The following SYT1 variants were observed in gnomAD, a reference collection of about 807,000 sequenced individuals.
SYT1 encodes synaptotagmin-1.
SYT1 carries 8 observed loss-of-function variants against 44.8 expected under a neutral mutation model. The ratio of observed to expected loss-of-function variants is 0.18; its 90% CI spans 0.10 to 0.32. The LOEUF (loss-of-function observed/expected upper bound fraction) is 0.32, where lower values mean the gene tolerates loss of function less well. SYT1 is among the 10% of genes least tolerant of loss of function. SYT1 has a pLI of 1.00. For missense variants in SYT1, 286 were observed against 509.3 expected, an observed-to-expected ratio of 0.56 and a Z score of 4.22; for synonymous variants, 154 against 188.8, an observed-to-expected ratio of 0.82 and a Z score of 1.51.
In SYT1 at chr12:78,896,010, C is replaced by T. The variant is rs564757308; in HGVS notation, c.-217+30901C>T. ...CAAATGTAAACTGAGAATAATTATA[C>T]CTAATTTAAAGCTGGGTGGTGCATA... is the stretch of plus-strand genomic sequence containing the variant. On this transcript the variant is annotated intron_variant, in intron 1 of 10. Transcript: ENST00000261205. 7.3e-4 allele frequency among the ~76,000 whole-genome samples: 111 copies of T among 151,820 alleles called. 1 individual carries two copies. Among genetic ancestry groups the T allele is most frequent in the African/African-American group, 2.7e-3 (111 of 41,488 alleles).
intron 8 of SYT1, among the ~76,000 whole-genome samples, chr12:79,312,500 G>C (rs1880857990): frequency 6.6e-6 from 1 of 151,976 alleles, no homozygotes; most frequent in Non-Finnish European, 1.5e-5. Context: ...ATTTAAGCTA[G>C]AATTTTCCCT....
chr12:79,107,429 G>T (rs952341391), intron 3 of SYT1, among the ~76,000 whole-genome samples: 21 of 151,952 alleles, frequency 1.4e-4, no homozygotes, highest in African/African-American at 5.1e-4. Flanking sequence ...GAATACAAAA[G>T]TATAAAATAT....
intron 2 of SYT1, among the ~76,000 whole-genome samples, chr12:79,006,745 A>G (rs1346505274): frequency 2.0e-5 from 3 of 152,156 alleles, no homozygotes; most frequent in African/African-American, 7.2e-5. Flanking sequence ...TCTGATTGCA[A>G]TGGGGGAAAA....
intron 9 of SYT1, among the ~76,000 whole-genome samples, chr12:79,385,087 A>G (rs944324556): frequency 1.3e-5 from 2 of 149,414 alleles, no homozygotes; most frequent in African/African-American, 4.9e-5. Flanking sequence ...CCTAGATTCA[A>G]GTGATTCTCC....
chr12:79,328,977 G>A (rs1357977013), intron 8 of SYT1, among the ~76,000 whole-genome samples: 1 of 152,108 alleles, frequency 6.6e-6, no homozygotes, highest in Non-Finnish European at 1.5e-5. Context: ...TTAGGATGCT[G>A]CATTTTCAGG....
rs1215120147 is a variant in SYT1 at position 79,067,187 on chromosome 12, G to A, written c.-18+19825G>A. 5.3e-5 allele frequency among the ~76,000 whole-genome samples: 8 copies of A among 152,112 alleles called. No homozygotes were observed. The East Asian group carries it at 1.3e-3, about 26-fold the overall frequency. On this transcript the variant is annotated intron_variant, in intron 3 of 10. Transcript: ENST00000261205. ...TTTTAATTTGTTGAAATGTCAAGAA[G>A]AGCCTAATGTTATAGATTTTGGTGA...
At chr12:79,321,989 CAG>C (rs1326710577) in intron 8 of SYT1, among the ~76,000 whole-genome samples, 2 of 152,254 alleles carry the variant, frequency 1.3e-5, no homozygotes, top group Admixed American at 1.3e-4. Context: ...GGGAACGTAA[CAG>C]GGGAGTGCAG....
chr12:78,915,110 AT>A (rs1178814715), intron 1 of SYT1, among the ~76,000 whole-genome samples: 2 of 148,390 alleles, frequency 1.3e-5, no homozygotes, highest in Non-Finnish European at 3.0e-5. Context: ...CATCAGAGAG[AT>A]GCTTTAGGAA....
At position 79,068,494 on chromosome 12, in the gene SYT1, C is replaced by A. The variant is rs565391855; in HGVS notation, c.-18+21132C>A. On this transcript the variant is annotated intron_variant, in intron 3 of 10. Transcript: ENST00000261205. ...TTCACATATGCGAAGTGGATAAATT[C>A]TTTCAGAGCTCAAGAATAATAGTTA... Among the ~76,000 whole-genome samples, 436 of 152,178 alleles carry A rather than the reference C, an allele frequency of 2.9e-3. 4 individuals are homozygous for A. Among genetic ancestry groups the A allele is most frequent in the Middle Eastern group, 6.8e-3 (2 of 292 alleles).
chr12:79,012,618 T>C (rs140955101), intron 2 of SYT1, among the ~76,000 whole-genome samples: 61 of 152,274 alleles, frequency 4.0e-4, no homozygotes, highest in African/African-American at 1.4e-3. Context: ...ACGTCACCAT[T>C]ATATAGCTCT....
chr12:79,135,748 T>C (rs1350154864), intron 3 of SYT1, among the ~76,000 whole-genome samples: 1 of 151,842 alleles, frequency 6.6e-6, no homozygotes, highest in Non-Finnish European at 1.5e-5. Flanking sequence ...TCCATGCCTT[T>C]ACTTTTAGGG....
intron 2 of SYT1, among the ~76,000 whole-genome samples, chr12:79,018,703 A>C (rs1201759196): frequency 6.6e-6 from 1 of 152,010 alleles, no homozygotes; most frequent in Non-Finnish European, 1.5e-5. Flanking sequence ...ACATTCCTGG[A>C]AGAAAAGTTG....
chr12:79,140,739 T>C (rs1187764261), intron 3 of SYT1, among the ~76,000 whole-genome samples: 6 of 152,216 alleles, frequency 3.9e-5, no homozygotes, highest in Admixed American at 3.9e-4. Context: ...AAATCATTGC[T>C]TTAATATTAT....
chr12:78,919,933 A>T (rs1157141688), intron 1 of SYT1, among the ~76,000 whole-genome samples: 2 of 152,002 alleles, frequency 1.3e-5, no homozygotes, highest in African/African-American at 4.8e-5. Context: ...ACATTGTCCT[A>T]GTGATCAATG....
intron 9 of SYT1, among the ~76,000 whole-genome samples, chr12:79,376,139 A>G (rs2136060516): frequency 6.6e-6 from 1 of 152,276 alleles, no homozygotes; most frequent in Middle Eastern, 3.4e-3. Context: ...TCTAAATGTT[A>G]CAGGAAAGGG....
intron 3 of SYT1, among the ~76,000 whole-genome samples, chr12:79,205,784 T>C (rs1347337923): frequency 6.6e-6 from 1 of 152,216 alleles, no homozygotes; most frequent in African/African-American, 2.4e-5. Flanking sequence ...ATGGATTTAT[T>C]TTTATTTTGG....
intron 9 of SYT1, among the ~76,000 whole-genome samples, chr12:79,423,971 T>C (rs1221912905): frequency 1.3e-5 from 2 of 151,164 alleles, no homozygotes; most frequent in African/African-American, 4.9e-5. Context: ...CCAACAAGTA[T>C]TTGGTTATTT....
chr12:78,911,844 T>C (rs1732041548), intron 1 of SYT1, among the ~76,000 whole-genome samples: 1 of 151,984 alleles, frequency 6.6e-6, no homozygotes, highest in Non-Finnish European at 1.5e-5. Flanking sequence ...ATTCTAAACA[T>C]GGTAGTGATG....
chr12:79,335,484 C>G (rs1882050990), intron 8 of SYT1, among the ~76,000 whole-genome samples: 1 of 151,742 alleles, frequency 6.6e-6, no homozygotes, highest in South Asian at 2.1e-4. Context: ...TCCCTTTCCT[C>G]TGCAAGAACC....
Sources: gnomAD v4.1 joint callset for allele counts (sites outside exome capture counted in the v4.1 genomes callset) on GRCh38, gnomAD v4.1.1 for gene constraint, MANE v1.5 for transcripts, NCBI Gene and HGNC (gene_info 2026-07-23, HGNC 2026-07-21) for gene names.